Variants in SBF2 observed in about 807,000 individuals in gnomAD.
SBF2 encodes SET binding factor 2.
Under a neutral mutation model 225.2 loss-of-function variants are expected in SBF2, and 112 were observed. The ratio of observed to expected loss-of-function variants is 0.50; its 90% CI spans 0.43 to 0.58. SBF2 has a LOEUF of 0.58. SBF2 is among the 20% of genes least tolerant of loss of function. SBF2 has a pLI of 0.00. For synonymous variants in SBF2, 763 were observed against 773.3 expected (o/e 0.99, Z 0.22); for missense variants, 1,996 against 2,206.2 (o/e 0.90, Z 1.91).
chr11:9,782,994 G>C (rs1852129278), intron 38 of SBF2: 1 of 152,136 alleles, frequency 6.6e-6, no homozygotes, highest in African/African-American at 2.4e-5. Flanking sequence ...TGGTGCTTCT[G>C]ATACCGTGGC....
At chr11:10,195,535 A>C (rs1957324020) in intron 1 of SBF2, among the ~76,000 whole-genome samples, 1 of 152,208 alleles carries the variant, frequency 6.6e-6, no homozygotes, top group African/African-American at 2.4e-5. Flanking sequence ...TGTATACCTA[A>C]CTTGAGGAAG....
chr11:10,184,281 T>C (rs1956847940), intron 2 of SBF2, among the ~76,000 whole-genome samples: 1 of 152,230 alleles, frequency 6.6e-6, no homozygotes. Flanking sequence ...GCTAATACCA[T>C]ACTGTCTTGA....
chr11:9,967,918 T>C, intron 14 of SBF2, among the ~76,000 whole-genome samples: 1 of 124,862 alleles, frequency 8.0e-6, no homozygotes. Flanking sequence ...TCAATCTGTC[T>C]GTCTGTCTGT....
chr11:9,952,348 G>C lies in SBF2; in HGVS notation c.1860+9609C>G, dbSNP rs113239472. The stretch of plus-strand genomic sequence containing the variant: ...TTACACCGAATTAAGAAAGGAACTG[G>C]GAGGGGGATCCAACAGAATCTTAAG... On this transcript the variant is annotated intron_variant, in intron 16 of 39. Transcript: ENST00000256190. Among the ~76,000 whole-genome samples, 592 of 152,318 alleles carry C rather than the reference G, an allele frequency of 3.9e-3. 3 individuals are homozygous for C. Among genetic ancestry groups the C allele is most frequent in the African/African-American group, 0.014 (563 of 41,570 alleles).
intron 1 of SBF2, among the ~76,000 whole-genome samples, chr11:10,257,049 T>C (rs1004488070): frequency 4.6e-5 from 7 of 152,188 alleles, no homozygotes; most frequent in African/African-American, 1.4e-4. Context: ...CGTCAGGCAC[T>C]GAGCTAAGCA....
intron 2 of SBF2, among the ~76,000 whole-genome samples, chr11:10,166,481 A>T (rs1298341046): frequency 2.0e-5 from 3 of 152,190 alleles, no homozygotes; most frequent in African/African-American, 7.2e-5. Context: ...AGAAACCATA[A>T]AACATTAGTA....
At chr11:10,213,313 G>A (rs1958009848) in intron 1 of SBF2, among the ~76,000 whole-genome samples, 1 of 152,092 alleles carries the variant, frequency 6.6e-6, no homozygotes, top group South Asian at 2.1e-4. Context: ...AACTCCCCAA[G>A]TTTGGCATCT....
intron 1 of SBF2, among the ~76,000 whole-genome samples, chr11:10,254,900 C>CAAAAAAAAAAAAAAAAAAAAAAAAAAA (rs71034757): frequency 9.1e-5 from 4 of 44,074 alleles, no homozygotes; most frequent in Non-Finnish European, 1.1e-4. Context: ...GACTCTGTCT[C>CAAAAAAAAAAAAAAAAAAAAAAAAAAA]AAAAAAAAAA....
chr11:10,124,795 T>C (rs1953663010), intron 2 of SBF2, among the ~76,000 whole-genome samples: 1 of 152,180 alleles, frequency 6.6e-6, no homozygotes, highest in Admixed American at 6.5e-5. Context: ...TATACTCATC[T>C]ATTTTCCACA....
chr11:9,788,961 T>G (rs1852560898), intron 35 of SBF2, 148 bp downstream of exon 35: 1 of 707,480 alleles, frequency 1.4e-6, no homozygotes, highest in Non-Finnish European at 2.5e-6. Context: ...CCCCCACTGA[T>G]GATGGGGAGC....
intron 6 of SBF2, among the ~76,000 whole-genome samples, chr11:10,015,684 A>G (rs1187554514): frequency 6.6e-6 from 1 of 152,236 alleles, no homozygotes; most frequent in Non-Finnish European, 1.5e-5. Flanking sequence ...CAGAAGAGTG[A>G]GGAAGCAAAT....
intron 1 of SBF2, among the ~76,000 whole-genome samples, chr11:10,238,612 G>C (rs1959167945): frequency 6.9e-6 from 1 of 144,550 alleles, no homozygotes; most frequent in Non-Finnish European, 1.6e-5. Context: ...AAGAGAAAAA[G>C]ACAAATCCAA....
intron 14 of SBF2, among the ~76,000 whole-genome samples, chr11:9,965,357 A>T (rs1866836299): frequency 6.8e-6 from 1 of 146,718 alleles, no homozygotes; most frequent in South Asian, 2.1e-4. Flanking sequence ...GCTGGAGTGC[A>T]ATGGCACGAT....
intron 2 of SBF2, among the ~76,000 whole-genome samples, chr11:10,070,755 T>C (rs1426056103): frequency 2.0e-5 from 3 of 152,256 alleles, no homozygotes; most frequent in Non-Finnish European, 4.4e-5. Flanking sequence ...TTGGGCCATA[T>C]GGCCATTTTC....
chr11:9,999,921 GA>G (rs1175089638), intron 8 of SBF2, among the ~76,000 whole-genome samples: 1 of 152,144 alleles, frequency 6.6e-6, no homozygotes, highest in Non-Finnish European at 1.5e-5. Flanking sequence ...AACTAAAACA[GA>G]AGAAGAATTA....
chr11:9,969,790 G>T (rs1244775159), intron 13 of SBF2, among the ~76,000 whole-genome samples: 2 of 151,754 alleles, frequency 1.3e-5, no homozygotes, highest in Non-Finnish European at 2.9e-5. Context: ...CTTGTTTATT[G>T]TCTATCCTTC....
intron 2 of SBF2, among the ~76,000 whole-genome samples, chr11:10,073,215 A>G (rs763484367): frequency 4.1e-4 from 62 of 152,336 alleles, no homozygotes; most frequent in Non-Finnish European, 5.4e-4. Context: ...TTATCTGAAG[A>G]GAAATAAAGT....
intron 1 of SBF2, among the ~76,000 whole-genome samples, chr11:10,221,102 C>T (rs187851671): frequency 6.6e-6 from 1 of 151,690 alleles, no homozygotes; most frequent in African/African-American, 2.4e-5. Context: ...ATTTGTCTTC[C>T]CTACTAGACT....
chr11:9,809,125 C>T, intron 30 of SBF2, 123 bp from the exon 31 acceptor site: 1 of 694,390 alleles, frequency 1.4e-6, no homozygotes, highest in Non-Finnish European at 2.6e-6. Context: ...ACAAAAGAAC[C>T]ACATAATGTT....
Sources: gnomAD v4.1 joint callset for allele counts (sites outside exome capture counted in the v4.1 genomes callset) on GRCh38, gnomAD v4.1.1 for gene constraint, MANE v1.5 for transcripts, NCBI Gene and HGNC (gene_info 2026-07-23, HGNC 2026-07-21) for gene names.